The following CSMD1 variants were observed in gnomAD, a reference collection of about 807,000 sequenced individuals.
The protein encoded by CSMD1 is CUB and Sushi multiple domains 1.
A neutral mutation model predicts 417.5 loss-of-function variants in CSMD1; 213 were observed. That is an observed-to-expected ratio of 0.51 (90% CI 0.46 to 0.57). The LOEUF (loss-of-function observed/expected upper bound fraction) is 0.57, where lower values mean the gene tolerates loss of function less well. CSMD1 is among the 20% of genes least tolerant of loss of function. CSMD1 has a pLI of 0.00. For synonymous variants in CSMD1, 2,862 were observed against 1,736.8 expected (o/e 1.65, Z -16.11); for missense variants, 6,923 against 4,529.7 (o/e 1.53, Z -15.17).
At chr8:4,178,920 A>G (rs1384408598) in intron 3 of CSMD1, among the ~76,000 whole-genome samples, 4 of 152,330 alleles carry the variant, frequency 2.6e-5, no homozygotes, top group South Asian at 2.1e-4. Context: ...GCTCAATGAA[A>G]TAAGAGAAGA....
At chr8:3,065,052 G>T (rs1460171778) in intron 49 of CSMD1, among the ~76,000 whole-genome samples, 2 of 151,810 alleles carry the variant, frequency 1.3e-5, no homozygotes, top group Non-Finnish European at 2.9e-5. Flanking sequence ...TTTACTTAAT[G>T]GAAAAAGTAA....
At chr8:3,414,025 A>G (rs111828463) in intron 12 of CSMD1, among the ~76,000 whole-genome samples, 15,107 of 151,230 alleles carry the variant, frequency 0.1, 941 homozygotes, top group East Asian at 0.26. Context: ...TGGAATCCCA[A>G]CTACTGGGGA....
At chr8:2,993,869 T>C (rs1806628626) in intron 54 of CSMD1, among the ~76,000 whole-genome samples, 1 of 151,278 alleles carries the variant, frequency 6.6e-6, no homozygotes, top group African/African-American at 2.4e-5. Context: ...ACGGTTGTTC[T>C]GAAAGTAAGA....
chr8:3,386,588 C>T (rs532579841), intron 18 of CSMD1, among the ~76,000 whole-genome samples: 2 of 152,102 alleles, frequency 1.3e-5, no homozygotes, highest in Admixed American at 6.6e-5. Context: ...TTAAAGAAGT[C>T]AAGGTGTTTA....
chr8:4,965,783 A>T (rs1225042162), intron 1 of CSMD1, among the ~76,000 whole-genome samples: 1 of 152,212 alleles, frequency 6.6e-6, no homozygotes, highest in Non-Finnish European at 1.5e-5. Flanking sequence ...CCCAGAATTC[A>T]ATCTAATTTT....
chr8:4,687,480 G>A (rs2116744213), intron 1 of CSMD1, among the ~76,000 whole-genome samples: 1 of 152,308 alleles, frequency 6.6e-6, no homozygotes, highest in African/African-American at 2.4e-5. Flanking sequence ...CAATTTAGAA[G>A]CAAATTGTAG....
chr8:3,052,834 T>G (rs1585234417), intron 49 of CSMD1, among the ~76,000 whole-genome samples, 187 bp from the exon 50 acceptor site: 1 of 149,260 alleles, frequency 6.7e-6, no homozygotes, highest in African/African-American at 2.5e-5. Flanking sequence ...CAGGCTGGAG[T>G]GCAATGACTC....
intron 5 of CSMD1, among the ~76,000 whole-genome samples, chr8:3,830,988 T>C (rs921937654): frequency 1.3e-5 from 2 of 152,134 alleles, no homozygotes; most frequent in African/African-American, 4.8e-5. Context: ...GGTCACCTTT[T>C]CCTTCACCAA....
At chr8:3,568,755 G>A (rs1468783206) in intron 10 of CSMD1, among the ~76,000 whole-genome samples, 2 of 151,874 alleles carry the variant, frequency 1.3e-5, no homozygotes, top group African/African-American at 2.4e-5. Flanking sequence ...ATGTATGCAT[G>A]CATACATTTA....
chr8:3,537,736 T>C (rs1264926992), intron 10 of CSMD1, among the ~76,000 whole-genome samples: 1 of 152,150 alleles, frequency 6.6e-6, no homozygotes, highest in Non-Finnish European at 1.5e-5. Flanking sequence ...GAATCAAAAG[T>C]TTTTAACTAT....
chr8:4,183,354 T>C (rs1432206630), intron 3 of CSMD1, among the ~76,000 whole-genome samples: 3 of 152,170 alleles, frequency 2.0e-5, no homozygotes, highest in Non-Finnish European at 4.4e-5. Flanking sequence ...ACCACTGAAG[T>C]AATCTAAATG....
At chr8:3,744,333 C>T (rs1013263159) in intron 6 of CSMD1, among the ~76,000 whole-genome samples, 1 of 152,036 alleles carries the variant, frequency 6.6e-6, no homozygotes, top group Admixed American at 6.6e-5. Context: ...GCCTGTGATA[C>T]CCTGTGGGCT....
intron 51 of CSMD1, among the ~76,000 whole-genome samples, chr8:3,021,646 A>AAGCCTCCGGAATGCACCTGCAATCCCAC (rs1809405128): frequency 6.7e-6 from 1 of 150,058 alleles, no homozygotes; most frequent in African/African-American, 2.5e-5. Context: ...TGCAATCCCA[A>AAGCCTCCGGAATGCACCTGCAATCCCAC]AGCCTCCGGA....
intron 1 of CSMD1, among the ~76,000 whole-genome samples, chr8:4,984,784 C>G (rs375582782): frequency 6.6e-6 from 1 of 152,132 alleles, no homozygotes; most frequent in Non-Finnish European, 1.5e-5. Flanking sequence ...CAGATTCTTG[C>G]CAGAACAGAA....
In CSMD1 at chr8:3,616,763, C is replaced by T. The variant is rs565606077; in HGVS notation, c.1044G>A (p.Met348Ile). 1.9e-6 allele frequency: 3 copies of T among 1,612,528 alleles called. No individual in the cohort carries two copies. The highest frequency in any genetic ancestry group is 2.2e-5 in the East Asian group (1 of 44,804). ...SQGGVALVSD[M>I]CPDPGIPENG... Reference sequence around the variant, plus strand: ...TTTCTGGAATCCCAGGATCTGGACACATGTCAGAGACCAATGCAACACCTC... The same window carrying T: ...TTTCTGGAATCCCAGGATCTGGACATATGTCAGAGACCAATGCAACACCTC... The change falls in exon 8 of 70, where the codon ATG becomes ATA. Residue 348 changes from methionine (M) to isoleucine (I), a missense_variant. By Grantham distance (10) the Met-to-Ile change is conservative. Coordinates refer to ENST00000635120, the MANE Select transcript of CSMD1 (RefSeq NM_033225.6).
At chr8:4,181,422 C>T (rs1232222825) in intron 3 of CSMD1, among the ~76,000 whole-genome samples, 1 of 151,392 alleles carries the variant, frequency 6.6e-6, no homozygotes, top group African/African-American at 2.4e-5. Context: ...TTTTGGCTTC[C>T]CTGGGCAACA....
chr8:4,291,632 A>C (rs1797371564), intron 3 of CSMD1, among the ~76,000 whole-genome samples: 2 of 152,268 alleles, frequency 1.3e-5, no homozygotes, highest in Admixed American at 6.5e-5. Flanking sequence ...TTCTTTCTTA[A>C]ATTATAGCCG....
At chr8:3,164,977 T>G (rs527907002) in intron 37 of CSMD1, among the ~76,000 whole-genome samples, 2 of 151,978 alleles carry the variant, frequency 1.3e-5, no homozygotes, top group African/African-American at 4.8e-5. Context: ...AAAATTGCAT[T>G]TATATCTGGC....
chr8:3,679,577 A>G (rs966462724), intron 7 of CSMD1, among the ~76,000 whole-genome samples: 4 of 152,152 alleles, frequency 2.6e-5, no homozygotes, highest in African/African-American at 9.7e-5. Flanking sequence ...CTCCCACACA[A>G]TAATAATGGG....
Sources: gnomAD v4.1 joint callset for allele counts (sites outside exome capture counted in the v4.1 genomes callset) on GRCh38, gnomAD v4.1.1 for gene constraint, MANE v1.5 for transcripts, NCBI Gene and HGNC (gene_info 2026-07-23, HGNC 2026-07-21) for gene names.